WDR64: variants seen among roughly 807,000 people sequenced by gnomAD.
The protein encoded by WDR64 is WD repeat domain 64, also known as WD repeat-containing protein 64.
A neutral mutation model predicts 139.3 loss-of-function variants in WDR64; 112 were observed. The ratio of observed to expected loss-of-function variants is 0.80; its 90% confidence interval spans 0.69 to 0.94. The LOEUF is 0.94. Ranked by LOEUF, WDR64 falls within the 40% of genes least tolerant of loss-of-function variation. The pLI is 0.00. For missense variants in WDR64, 1,206 were observed against 1,293.1 expected (o/e 0.93, Z 1.03); for synonymous variants, 444 against 437.7 (o/e 1.01, Z -0.18).
At chr1:241,672,183 A>G (rs1225936739) in intron 3 of WDR64, among the ~76,000 whole-genome samples, 1 of 152,134 alleles carries the variant, frequency 6.6e-6, no homozygotes, top group Non-Finnish European at 1.5e-5. Flanking sequence ...ACAAACAAAC[A>G]AACAAAGCAC....
At chr1:241,774,978 A>C (rs1380831493) in intron 20 of WDR64, 127 bp from the exon 21 acceptor site, 7 of 698,306 alleles carry the variant, frequency 1.0e-5, no homozygotes, top group African/African-American at 9.0e-5. Flanking sequence ...AAACAGGGGA[A>C]TCGTGGTTCA....
intron 8 of WDR64, among the ~76,000 whole-genome samples, chr1:241,708,379 C>G (rs1336732400): frequency 6.6e-6 from 1 of 152,192 alleles, no homozygotes; most frequent in Admixed American, 6.5e-5. Context: ...TGCAGTGGCA[C>G]AATTTCAGCT....
At chr1:241,662,260 G>C (rs939398509) in intron 2 of WDR64, among the ~76,000 whole-genome samples, 2 of 152,114 alleles carry the variant, frequency 1.3e-5, no homozygotes, top group African/African-American at 4.8e-5. Flanking sequence ...GCTTCACTGG[G>C]TCCCTCTGCT....
intron 8 of WDR64, among the ~76,000 whole-genome samples, chr1:241,705,242 T>C (rs1037449525): frequency 3.9e-5 from 6 of 152,106 alleles, no homozygotes; most frequent in African/African-American, 9.7e-5. Context: ...TTTTTTTTCT[T>C]TTTAGAGACA....
intron 22 of WDR64, among the ~76,000 whole-genome samples, 170 bp downstream of exon 22, chr1:241,780,232 G>A (rs1482188177): frequency 6.6e-6 from 1 of 152,196 alleles, no homozygotes; most frequent in Non-Finnish European, 1.5e-5. Context: ...CTGGTGAAAA[G>A]GGATCAAGAA....
At chr1:241,758,952 T>C (rs980560702) in intron 15 of WDR64, among the ~76,000 whole-genome samples, 5 of 152,226 alleles carry the variant, frequency 3.3e-5, no homozygotes, top group South Asian at 2.1e-4. Context: ...TATTTTGCAC[T>C]GATATTCCCA....
At chr1:241,735,998 T>C (rs547939378) in intron 10 of WDR64, among the ~76,000 whole-genome samples, 2 of 152,194 alleles carry the variant, frequency 1.3e-5, no homozygotes, top group South Asian at 4.1e-4. Context: ...CTTTAGTTCC[T>C]GGTCAAAAAG....
At chr1:241,683,345 G>A in intron 6 of WDR64, 142 bp from the exon 7 acceptor site, 2 of 765,392 alleles carry the variant, frequency 2.6e-6, no homozygotes, top group Non-Finnish European at 4.1e-6. Context: ...TGGTTAACTG[G>A]TTTTTTTCTC....
In WDR64 at chr1:241,800,064, T is replaced by C. The variant is rs2148337449; in HGVS notation, c.3193-1068T>C. On this transcript the variant is annotated intron_variant, in intron 27 of 27. Coordinates refer to ENST00000437684, the MANE Select transcript of WDR64 (RefSeq NM_001367482.1). The stretch of plus-strand genomic sequence containing the variant: ...ACATAAGAGACACTGCAGAAACATT[T>C]GCTGAATGAAATAGTGAATTAGCCT... 1.3e-5 allele frequency among the ~76,000 whole-genome samples: 2 copies of C among 152,286 alleles called. 1 individual carries two copies. The highest frequency in any genetic ancestry group is 6.8e-3 in the Middle Eastern group (2 of 294).
chr1:241,783,879 A>G (rs554781554), intron 23 of WDR64, among the ~76,000 whole-genome samples: 1 of 152,372 alleles, frequency 6.6e-6, no homozygotes, highest in East Asian at 1.9e-4. Context: ...AGACACATAC[A>G]CATATAAAGA....
At chr1:241,768,736 G>A (rs1366271212) in intron 16 of WDR64, among the ~76,000 whole-genome samples, 2 of 152,042 alleles carry the variant, frequency 1.3e-5, no homozygotes, top group Admixed American at 1.3e-4. Flanking sequence ...TAAGAGCCAG[G>A]CATGATGTTT....
intron 8 of WDR64, among the ~76,000 whole-genome samples, chr1:241,704,015 T>A (rs1034849598): frequency 3.9e-5 from 6 of 152,204 alleles, no homozygotes; most frequent in African/African-American, 1.2e-4. Flanking sequence ...GGGATTACAA[T>A]TCAAGATGAG....
At chr1:241,766,916 GT>G (rs1189448841) in intron 16 of WDR64, among the ~76,000 whole-genome samples, 2 of 152,136 alleles carry the variant, frequency 1.3e-5, no homozygotes, top group Non-Finnish European at 2.9e-5. Flanking sequence ...CTTTTCATGT[GT>G]GATCTTGCCC....
intron 19 of WDR64, among the ~76,000 whole-genome samples, 184 bp from the exon 20 acceptor site, chr1:241,772,608 G>A (rs1476608614): frequency 1.3e-5 from 2 of 151,226 alleles, no homozygotes; most frequent in African/African-American, 4.9e-5. Flanking sequence ...GATTACAGGC[G>A]CCCACCACCA....
rs1268619475 is a variant in WDR64, at chr1:241,790,678, G to A, written c.2979G>A (p.Lys993=). 18 of 1,573,424 alleles carry A rather than the reference G, an allele frequency of 1.1e-5. No homozygotes were observed. Among genetic ancestry groups the A allele is most frequent in the Non-Finnish European group, 1.6e-5 (18 of 1,155,302 alleles). ...FEVEQDFKFF[K]SLSSPKIRRY... is the part of the protein sequence containing the mutation. ...TGGAACAGGATTTCAAGTTTTTCAA[G>A]TCTCTTTCTTCTCCTAAGGTAGCTT... is the stretch of plus-strand genomic sequence containing the variant. Residue 993 remains lysine, a synonymous_variant, in exon 25 of 28, where the codon AAG becomes AAA. Coordinates refer to ENST00000437684, the MANE Select transcript of WDR64 (RefSeq NM_001367482.1).
chr1:241,776,092 A>G (rs1459032169), intron 21 of WDR64, among the ~76,000 whole-genome samples: 1 of 151,132 alleles, frequency 6.6e-6, no homozygotes, highest in Non-Finnish European at 1.5e-5. Flanking sequence ...TTCTTTTTTA[A>G]ATTTGAGACA....
At chr1:241,705,451 A>T (rs1667903890) in intron 8 of WDR64, among the ~76,000 whole-genome samples, 1 of 151,622 alleles carries the variant, frequency 6.6e-6, no homozygotes, top group Admixed American at 6.6e-5. Flanking sequence ...CTGAGGCAGG[A>T]GAATGGCGTG....
chr1:241,771,919 TATACATACATATACATAC>T, intron 19 of WDR64, among the ~76,000 whole-genome samples: 1 of 65,060 alleles, frequency 1.5e-5, no homozygotes, highest in African/African-American at 4.9e-5. Flanking sequence ...CATATACATA[TATACATACATATACATAC>T]ATACATACAT....
intron 13 of WDR64, among the ~76,000 whole-genome samples, chr1:241,747,038 GGC>G (rs1284836397): frequency 3.9e-5 from 6 of 152,308 alleles, no homozygotes; most frequent in African/African-American, 1.4e-4. Context: ...TGGGATTACA[GGC>G]GTGAGCCACC....
Sources: gnomAD v4.1 joint callset for allele counts (sites outside exome capture counted in the v4.1 genomes callset) on GRCh38, gnomAD v4.1.1 for gene constraint, MANE v1.5 for transcripts, NCBI Gene and HGNC (gene_info 2026-07-23, HGNC 2026-07-21) for gene names.